AVEN: variants seen among roughly 807,000 people sequenced by gnomAD.
AVEN encodes the protein cell death regulator Aven.
A neutral mutation model predicts 38.1 loss-of-function variants in AVEN; 41 were observed. That is an observed-to-expected ratio of 1.08 (90% CI 0.84 to 1.40). AVEN has a LOEUF of 1.40. Ranked by LOEUF, AVEN falls within the 40% of genes most tolerant of loss-of-function variation. The pLI is 0.00. For missense variants in AVEN, 605 were observed against 438.8 expected (o/e 1.38, Z -3.38); for synonymous variants, 206 against 171.8 (o/e 1.20, Z -1.56).
At chr15:34,073,497 TTTTTC>T (rs1276376713) in intron 1 of AVEN, among the ~76,000 whole-genome samples, 9 of 148,110 alleles carry the variant, frequency 6.1e-5, no homozygotes, top group East Asian at 2.0e-4. Context: ...AGGGAGCTCT[TTTTTC>T]TTTTCTTTTC....
chr15:33,898,955 G>C (rs150767171), intron 2 of AVEN, among the ~76,000 whole-genome samples: 1 of 152,150 alleles, frequency 6.6e-6, no homozygotes, highest in Non-Finnish European at 1.5e-5. Context: ...AGGACATTCC[G>C]AGTAAAGGGG....
At chr15:33,855,951 CAT>C (rs1371065498), downstream of AVEN, 1 of 152,186 alleles carries the variant, frequency 6.6e-6, no homozygotes, top group African/African-American at 2.4e-5. Flanking sequence ...GGCTTCCTCA[CAT>C]GTCCAAACCT....
intron 1 of AVEN, among the ~76,000 whole-genome samples, chr15:34,032,809 A>G (rs1898922892): frequency 6.6e-6 from 1 of 152,212 alleles, no homozygotes; most frequent in African/African-American, 2.4e-5. Context: ...ACAATAGGAT[A>G]ATTTTAAATA....
chr15:33,927,157 A>C (rs1567417220), intron 2 of AVEN, among the ~76,000 whole-genome samples: 1 of 151,920 alleles, frequency 6.6e-6, no homozygotes, highest in Non-Finnish European at 1.5e-5. Context: ...GGGGAGGCTG[A>C]GGCAGGAAAA....
chr15:33,890,041 A>AGGATAGGGGGGGATGGCAG (rs2153040210), intron 2 of AVEN, among the ~76,000 whole-genome samples: 1 of 152,342 alleles, frequency 6.6e-6, no homozygotes, highest in East Asian at 1.9e-4. Context: ...TCCCTCTCCG[A>AGGATAGGGGGGGATGGCAG]CGTGCCAAAC....
At chr15:33,998,534 C>A (rs954025089) in intron 2 of AVEN, among the ~76,000 whole-genome samples, 2 of 152,158 alleles carry the variant, frequency 1.3e-5, no homozygotes, top group Non-Finnish European at 2.9e-5. Flanking sequence ...TTCTCCTTTC[C>A]TTTATAACAA....
intron 5 of AVEN, among the ~76,000 whole-genome samples, chr15:34,048,220 G>C (rs1321817273): frequency 6.6e-6 from 1 of 152,242 alleles, no homozygotes; most frequent in African/African-American, 2.4e-5. Context: ...CTCCTCACTG[G>C]GTGGGATCTC....
intron 1 of AVEN, among the ~76,000 whole-genome samples, chr15:34,028,146 T>C (rs769008807): frequency 6.6e-6 from 1 of 152,186 alleles, no homozygotes; most frequent in Non-Finnish European, 1.5e-5. Flanking sequence ...TCAAGCCATT[T>C]AAAAAATTTT....
At chr15:34,047,223 G>A (rs1045460547) in intron 5 of AVEN, among the ~76,000 whole-genome samples, 50 of 152,024 alleles carry the variant, frequency 3.3e-4, no homozygotes, top group Admixed American at 1.1e-3. Flanking sequence ...GACTACAGGC[G>A]CCCGCCACCA....
intron 2 of AVEN, among the ~76,000 whole-genome samples, chr15:33,913,418 T>G (rs899158927): frequency 6.6e-6 from 1 of 152,158 alleles, no homozygotes; most frequent in Non-Finnish European, 1.5e-5. Context: ...AACCAAAACA[T>G]CATTAATTTG....
intron 2 of AVEN, among the ~76,000 whole-genome samples, chr15:33,905,926 CCTA>C (rs1892684066): frequency 6.6e-6 from 1 of 152,120 alleles, no homozygotes; most frequent in South Asian, 2.1e-4. Context: ...ATACCTGTTA[CCTA>C]CTGTCTTCCC....
chr15:33,864,017 T>C, downstream of AVEN: 1 of 657,416 alleles, frequency 1.5e-6, no homozygotes, highest in Non-Finnish European at 2.7e-6. Flanking sequence ...TCCCTGATCA[T>C]TTAAGTCACT....
chr15:33,983,088 A>C (rs1298115201), intron 2 of AVEN, among the ~76,000 whole-genome samples: 1 of 151,016 alleles, frequency 6.6e-6, no homozygotes, highest in Non-Finnish European at 1.5e-5. Flanking sequence ...TATATAAATC[A>C]CTTGGGATAT....
At chr15:33,856,479 C>T (rs1240052697), downstream of AVEN, 2 of 152,314 alleles carry the variant, frequency 1.3e-5, no homozygotes, top group African/African-American at 2.4e-5. Context: ...TAAGCGTGCC[C>T]TAGGACACTG....
At chr15:33,889,635 AG>A (rs1891851079) in intron 2 of AVEN, among the ~76,000 whole-genome samples, 1 of 152,126 alleles carries the variant, frequency 6.6e-6, no homozygotes, top group Non-Finnish European at 1.5e-5. Context: ...TCATCTCATT[AG>A]GTTTTCTTTT....
At chr15:33,888,942 TC>T (rs1194942369) in intron 2 of AVEN, among the ~76,000 whole-genome samples, 1 of 151,992 alleles carries the variant, frequency 6.6e-6, no homozygotes. Flanking sequence ...GGTCTCAATT[TC>T]TTGACCTCGT....
At chr15:34,023,366 T>C (rs1359773170) in intron 1 of AVEN, among the ~76,000 whole-genome samples, 1 of 152,204 alleles carries the variant, frequency 6.6e-6, no homozygotes, top group African/African-American at 2.4e-5. Flanking sequence ...TAACCTCATC[T>C]TGGCCGAGTC....
intron 1 of AVEN, among the ~76,000 whole-genome samples, chr15:34,016,208 T>C (rs1897903345): frequency 1.3e-5 from 2 of 152,186 alleles, no homozygotes; most frequent in African/African-American, 2.4e-5. Context: ...CACTCCAGCC[T>C]GGGCAACAAG....
chr15:33,960,436 G>GT (rs1895118651), intron 2 of AVEN, among the ~76,000 whole-genome samples: 2 of 136,012 alleles, frequency 1.5e-5, no homozygotes, highest in African/African-American at 6.7e-5. Flanking sequence ...TGTGTGTGTT[G>GT]TGTGTGTGAG....
Sources: allele counts gnomAD v4.1 joint callset (sites outside exome capture counted in the v4.1 genomes callset), GRCh38; gene constraint gnomAD v4.1.1; transcripts MANE v1.5; gene names NCBI Gene and HGNC (gene_info 2026-07-23, HGNC 2026-07-21).